Variants in CD96 observed in about 807,000 individuals in gnomAD.
CD96 encodes T-cell surface protein tactile.
Under a neutral mutation model 71.3 loss-of-function variants are expected in CD96, and 70 were observed. The ratio of observed to expected loss-of-function variants is 0.98; its 90% CI spans 0.81 to 1.20. CD96 has a LOEUF of 1.20. Ranked by LOEUF, CD96 falls within the 50% of genes most tolerant of loss-of-function variation. CD96 has a pLI of 0.00. For missense variants in CD96, 742 were observed against 677.5 expected, an observed-to-expected ratio of 1.10 and a Z score of -1.06; for synonymous variants, 248 against 233.0, an observed-to-expected ratio of 1.06 and a Z score of -0.59.
At chr3:111,628,212 G>A (rs183504751) in intron 10 of CD96, among the ~76,000 whole-genome samples, 83 of 152,290 alleles carry the variant, frequency 5.5e-4, no homozygotes, top group Admixed American at 1.9e-3. Flanking sequence ...TTCAGAATAT[G>A]GATAAAAATG....
intron 4 of CD96, among the ~76,000 whole-genome samples, chr3:111,584,907 A>T (rs1936638597): frequency 6.6e-6 from 1 of 152,086 alleles, no homozygotes; most frequent in Non-Finnish European, 1.5e-5. Flanking sequence ...AGTCTTCCAC[A>T]TTCCCAATTT....
chr3:111,587,151 G>T (rs1559738274), intron 5 of CD96, among the ~76,000 whole-genome samples: 1 of 152,180 alleles, frequency 6.6e-6, no homozygotes, highest in Non-Finnish European at 1.5e-5. Context: ...GCTCCAAAAT[G>T]ATCTCCTTTG....
intron 5 of CD96, among the ~76,000 whole-genome samples, chr3:111,587,098 G>A (rs1022009244): frequency 6.6e-6 from 1 of 151,874 alleles, no homozygotes; most frequent in Non-Finnish European, 1.5e-5. Flanking sequence ...GAAGACATTG[G>A]CCAAAACAAG....
At chr3:111,603,264 A>G (rs995285874) in intron 7 of CD96, among the ~76,000 whole-genome samples, 1 of 152,102 alleles carries the variant, frequency 6.6e-6, no homozygotes, top group Non-Finnish European at 1.5e-5. Flanking sequence ...CAATATAGTG[A>G]CACTTTGTCT....
chr3:111,554,858 T>A (rs1385467489), intron 2 of CD96, among the ~76,000 whole-genome samples: 5 of 151,988 alleles, frequency 3.3e-5, no homozygotes, highest in African/African-American at 9.7e-5. Context: ...GCCCTGAGCT[T>A]GTCTTCCTGC....
intron 2 of CD96, among the ~76,000 whole-genome samples, chr3:111,553,322 G>T (rs1222690787): frequency 6.6e-6 from 1 of 151,630 alleles, no homozygotes; most frequent in Non-Finnish European, 1.5e-5. Flanking sequence ...CCTGGATTTT[G>T]CTCTTATAGT....
chr3:111,647,602 C>G lies in CD96; in HGVS notation c.1537C>G (p.Leu513Val). 6.2e-7 allele frequency: 1 copy of G among 1,610,324 alleles called. No individual in the cohort carries two copies. The highest frequency in any genetic ancestry group is 8.5e-7 in the Non-Finnish European group (1 of 1,176,666). ...CTGGCCAGTGATTGTAGCAGCTTTA[C>G]TCTTTTGCTGCATGATATTGTTTGG... ...MSWPVIVAALLFCCMILFGLG... is the reference protein window; with the variant it reads ...MSWPVIVAALVFCCMILFGLG... The change falls in exon 13 of 14, where the codon CTC (leucine) becomes GTC (valine). Residue 513 changes from leucine to valine, a missense_variant. Physicochemically the swap from Leu to Val is conservative, Grantham distance 32. Coordinates refer to ENST00000352690, the MANE Select transcript of CD96 (RefSeq NM_005816.5).
intron 2 of CD96, among the ~76,000 whole-genome samples, chr3:111,552,802 A>G (rs573472571): frequency 1.3e-5 from 2 of 152,326 alleles, no homozygotes; most frequent in South Asian, 2.1e-4. Context: ...ATAACTGACA[A>G]TACTGGTACT....
At chr3:111,589,423 T>C (rs1936871377) in intron 5 of CD96, among the ~76,000 whole-genome samples, 1 of 152,242 alleles carries the variant, frequency 6.6e-6, no homozygotes, top group South Asian at 2.1e-4. Flanking sequence ...ACCCTTGCTT[T>C]AGTGCTAACT....
At chr3:111,548,217 A>G (rs1363070376) in intron 2 of CD96, among the ~76,000 whole-genome samples, 1 of 152,160 alleles carries the variant, frequency 6.6e-6, no homozygotes, top group Non-Finnish European at 1.5e-5. Flanking sequence ...TGAGTTGATC[A>G]TCTCTTCCTG....
chr3:111,542,808 G>A (rs1320468745), intron 1 of CD96, among the ~76,000 whole-genome samples: 3 of 152,210 alleles, frequency 2.0e-5, no homozygotes, highest in Non-Finnish European at 4.4e-5. Flanking sequence ...AATGAGGCAT[G>A]TGTAGGTATG....
intron 2 of CD96, among the ~76,000 whole-genome samples, chr3:111,548,897 C>T (rs1446723331): frequency 6.6e-6 from 1 of 152,068 alleles, no homozygotes; most frequent in Non-Finnish European, 1.5e-5. Flanking sequence ...TTTTTGAGTG[C>T]TTACAGTGCT....
chr3:111,632,858 C>CTAA (rs1285161049), intron 10 of CD96, among the ~76,000 whole-genome samples: 1 of 152,204 alleles, frequency 6.6e-6, no homozygotes, highest in African/African-American at 2.4e-5. Context: ...TTTCAGCAAA[C>CTAA]TAATGCAGGA....
At chr3:111,632,328 C>G (rs895034700) in intron 10 of CD96, among the ~76,000 whole-genome samples, 1 of 152,052 alleles carries the variant, frequency 6.6e-6, no homozygotes, top group African/African-American at 2.4e-5. Flanking sequence ...ACAGACAGTT[C>G]TCAAAAGAAG....
At chr3:111,600,055 A>G (rs897438550) in intron 6 of CD96, among the ~76,000 whole-genome samples, 2 of 152,250 alleles carry the variant, frequency 1.3e-5, no homozygotes, top group Non-Finnish European at 2.9e-5. Context: ...ACAGGACCCA[A>G]AATGCAATGC....
intron 2 of CD96, among the ~76,000 whole-genome samples, chr3:111,564,665 T>C (rs1935620806): frequency 6.6e-6 from 1 of 152,172 alleles, no homozygotes; most frequent in East Asian, 1.9e-4. Flanking sequence ...GCTCTCATTG[T>C]TGTAGGAATG....
At chr3:111,595,108 A>G (rs544231030) in intron 5 of CD96, 1 of 166,934 alleles carries the variant, frequency 6.0e-6, no homozygotes, top group East Asian at 1.9e-4. Context: ...GAGGCAACTT[A>G]CTCCAGATGT....
At chr3:111,606,106 C>CAGACACACG (rs1937616216) in intron 7 of CD96, among the ~76,000 whole-genome samples, 1 of 151,972 alleles carries the variant, frequency 6.6e-6, no homozygotes, top group Admixed American at 6.6e-5. Flanking sequence ...TGTTTCAACT[C>CAGACACACG]CCCCCAACAC....
Position 111,592,792 on chromosome 3 carries a change from T to G in CD96, c.808-5328T>G, listed in dbSNP as rs939755740. 5.9e-5 allele frequency: 9 copies of G among 152,370 alleles called. No individual in the cohort carries two copies. In the South Asian group the frequency reaches 6.2e-4, roughly 11 times the overall value. The allele number at this position is 152,370 out of a possible 1,614,324, so 9.4% of individuals were successfully genotyped here. On this transcript the variant is annotated intron_variant, in intron 5 of 13. Transcript: ENST00000352690. ...TGAATAAGTTTTATATAATCTATACTGAATGTTTAAACTAAGTAAGTTGAG... is the reference window on the plus strand; with the variant it reads ...TGAATAAGTTTTATATAATCTATACGGAATGTTTAAACTAAGTAAGTTGAG...
Sources: gnomAD v4.1 joint callset for allele counts (sites outside exome capture counted in the v4.1 genomes callset) on GRCh38, gnomAD v4.1.1 for gene constraint, MANE v1.5 for transcripts, NCBI Gene and HGNC (gene_info 2026-07-23, HGNC 2026-07-21) for gene names.